Variants in WDR25 observed in about 807,000 individuals in gnomAD.
WDR25 encodes the protein WD repeat domain 25, also known as WD repeat-containing protein 25.
WDR25 carries 35 observed loss-of-function variants against 47.7 expected under a neutral mutation model. The observed-to-expected ratio is 0.73, with a 90% CI of 0.56 to 0.97. The LOEUF (loss-of-function observed/expected upper bound fraction) is 0.97, where lower values mean the gene tolerates loss of function less well. Among genes scored for constraint, WDR25 ranks in the 50% least tolerant of loss-of-function variants. The pLI is 0.00. For missense variants in WDR25, 634 were observed against 704.7 expected (o/e 0.90, Z 1.14); for synonymous variants, 248 against 278.9 (o/e 0.89, Z 1.10).
chr14:100,503,333 C>G (rs1901002668), intron 4 of WDR25, among the ~76,000 whole-genome samples: 1 of 152,052 alleles, frequency 6.6e-6, no homozygotes. Flanking sequence ...CCTCCCCCTG[C>G]CCCCCGCATG....
intron 2 of WDR25, chr14:100,455,363 GAA>G (rs1352107523): frequency 6.6e-6 from 1 of 150,948 alleles, no homozygotes; most frequent in African/African-American, 2.5e-5. Flanking sequence ...TTAAAACAGA[GAA>G]AAATGATGGA....
intron 2 of WDR25, among the ~76,000 whole-genome samples, chr14:100,417,205 T>C (rs1333350155): frequency 1.3e-5 from 2 of 152,226 alleles, no homozygotes; most frequent in African/African-American, 4.8e-5. Context: ...TCCGCTCATC[T>C]CCTCACCATC....
intron 2 of WDR25, among the ~76,000 whole-genome samples, chr14:100,403,517 G>A (rs1196291691): frequency 6.6e-6 from 1 of 152,222 alleles, no homozygotes; most frequent in Non-Finnish European, 1.5e-5. Flanking sequence ...ACTGTTTCTT[G>A]TAAAGTGGTG....
At chr14:100,388,177 G>A (rs1595490497) in intron 2 of WDR25, among the ~76,000 whole-genome samples, 3 of 152,198 alleles carry the variant, frequency 2.0e-5, no homozygotes, top group Admixed American at 6.5e-5. Context: ...TTCTAAGCAC[G>A]AGGCAAATCT....
chr14:100,454,175 A>G (rs1030456293), intron 2 of WDR25, among the ~76,000 whole-genome samples: 1 of 152,222 alleles, frequency 6.6e-6, no homozygotes, highest in Non-Finnish European at 1.5e-5. Flanking sequence ...CATACCATGT[A>G]TCCTACAAAC....
chr14:100,479,254 G>A (rs545472169), intron 3 of WDR25, among the ~76,000 whole-genome samples: 28 of 152,252 alleles, frequency 1.8e-4, no homozygotes, highest in South Asian at 1.5e-3. Context: ...GGAGACCAAG[G>A]GGACAGCCCT....
chr14:100,455,155 A>C (rs1391064903), intron 2 of WDR25: 1 of 152,238 alleles, frequency 6.6e-6, no homozygotes, highest in African/African-American at 2.4e-5. Context: ...TGAAGGACAC[A>C]AAGGAAAATA....
intron 2 of WDR25, among the ~76,000 whole-genome samples, chr14:100,405,469 C>G (rs1235596104): frequency 6.6e-6 from 1 of 152,180 alleles, no homozygotes; most frequent in African/African-American, 2.4e-5. Context: ...CCTCTCTGCC[C>G]CATCTTATAG....
At chr14:100,526,127 T>C in intron 5 of WDR25, 87 bp downstream of exon 5, 1 of 1,477,154 alleles carries the variant, frequency 6.8e-7, no homozygotes, top group Non-Finnish European at 9.2e-7. Context: ...CCAGGTCCCT[T>C]CTGTGGGAGG....
At position 100,440,291 on chromosome 14, in the gene WDR25, C is replaced by A. The variant is rs1177735723; in HGVS notation, c.823-27730C>A. ...CCTGGCAAATGAATGTGCAGGAATT[C>A]TTTGATTGCAAAATAGCTACTCTCA... On this transcript the variant is annotated intron_variant, in intron 2 of 6. Transcript: ENST00000402312. The surrounding 1 kb of genome is among the most constrained non-coding windows in gnomAD (Gnocchi z 4.4). Among the ~76,000 whole-genome samples the A allele has an allele frequency of 1.3e-5, 2 of 152,248 alleles. No homozygotes were observed. Among genetic ancestry groups the A allele is most frequent in the Admixed American group, 6.5e-5 (1 of 15,288 alleles).
At chr14:100,516,956 G>T (rs1438059847) in intron 4 of WDR25, among the ~76,000 whole-genome samples, 1 of 150,222 alleles carries the variant, frequency 6.7e-6, no homozygotes, top group African/African-American at 2.4e-5. Context: ...AAGGAGATGG[G>T]ATCTCACTCT....
rs376466389 is a variant in WDR25, at chr14:100,425,921, C to G, written c.823-42100C>G. On this transcript the variant is annotated intron_variant, in intron 2 of 6. Transcript: ENST00000402312. This position sits in a 1 kb window ranked among gnomAD's most constrained non-coding sequence, Gnocchi z 4.8. Reference sequence around the variant, plus strand: ...GGTATTCAGTGGGGCCAGGGCGAGACCCTGGGCCTTGCGAGGACGCCGTCC... The same window carrying G: ...GGTATTCAGTGGGGCCAGGGCGAGAGCCTGGGCCTTGCGAGGACGCCGTCC... Among the ~76,000 whole-genome samples the G allele has an allele frequency of 2.6e-5, 4 of 152,186 alleles. No homozygotes were observed. Among genetic ancestry groups the G allele is most frequent in the Non-Finnish European group, 4.4e-5 (3 of 68,038 alleles).
chr14:100,511,270 G>A (rs969948356), intron 4 of WDR25, among the ~76,000 whole-genome samples: 2 of 152,046 alleles, frequency 1.3e-5, no homozygotes, highest in East Asian at 3.9e-4. Context: ...TTATCCCCAA[G>A]TATTTATATT....
intron 2 of WDR25, among the ~76,000 whole-genome samples, chr14:100,422,661 ATT>A (rs1898060223): frequency 6.6e-6 from 1 of 152,078 alleles, no homozygotes; most frequent in South Asian, 2.1e-4. Flanking sequence ...CCTCCTGAGT[ATT>A]TGTTCCGTGG....
intron 3 of WDR25, among the ~76,000 whole-genome samples, chr14:100,469,515 T>C (rs1250978466): frequency 6.6e-6 from 1 of 152,116 alleles, no homozygotes; most frequent in Non-Finnish European, 1.5e-5. Context: ...CCAGCAGGGA[T>C]TTGAAGCCAT....
chr14:100,442,319 G>A (rs1236439027), intron 2 of WDR25, among the ~76,000 whole-genome samples: 6 of 152,210 alleles, frequency 3.9e-5, no homozygotes, highest in Non-Finnish European at 8.8e-5. Context: ...GGTCCACCAG[G>A]CCTTGGGTAG....
At chr14:100,447,665 C>G (rs1428169796) in intron 2 of WDR25, among the ~76,000 whole-genome samples, 1 of 152,172 alleles carries the variant, frequency 6.6e-6, no homozygotes, top group Non-Finnish European at 1.5e-5. Context: ...GCAGCAAAAG[C>G]CAGGCCTACA....
At chr14:100,443,043 G>T (rs1238040733) in intron 2 of WDR25, among the ~76,000 whole-genome samples, 2 of 152,232 alleles carry the variant, frequency 1.3e-5, no homozygotes, top group Non-Finnish European at 2.9e-5. Context: ...TCGCACACAG[G>T]TGCCCACTGC....
rs935663559 is a variant in WDR25, at chr14:100,392,411, C to T, written c.822+10665C>T. 6.6e-6 allele frequency among the ~76,000 whole-genome samples: 1 copy of T among 151,698 alleles called. No homozygotes were observed. Among genetic ancestry groups the T allele is most frequent in the African/African-American group, 2.4e-5 (1 of 41,258 alleles). Reference sequence around the variant, plus strand: ...CAAACTGTGTGATGAAAACGTGATCCCAGGGGTCCAAGCCTCTGTCACCCT... The same window carrying T: ...CAAACTGTGTGATGAAAACGTGATCTCAGGGGTCCAAGCCTCTGTCACCCT... On this transcript the variant is annotated intron_variant, in intron 2 of 6. Transcript: ENST00000402312. The surrounding 1 kb of genome is among the most constrained non-coding windows in gnomAD (Gnocchi z 4.2).
Sources: gnomAD v4.1 joint callset for allele counts (sites outside exome capture counted in the v4.1 genomes callset) on GRCh38, gnomAD v4.1.1 for gene constraint, Gnocchi (gnomAD v3.1) non-coding constraint, MANE v1.5 for transcripts, NCBI Gene and HGNC (gene_info 2026-07-23, HGNC 2026-07-21) for gene names.